The following ADGRL2 variants were observed in gnomAD, a reference collection of about 807,000 sequenced individuals.
The protein encoded by ADGRL2 is calcium-independent alpha-latrotoxin receptor 2.
Under a neutral mutation model 157.4 loss-of-function variants are expected in ADGRL2, and 44 were observed. The ratio of observed to expected loss-of-function variants is 0.28; its 90% CI spans 0.22 to 0.36. The LOEUF is 0.36. Ranked by LOEUF, ADGRL2 falls within the 10% of genes least tolerant of loss-of-function variation. ADGRL2 has a pLI of 1.00. For synonymous variants in ADGRL2, 585 were observed against 624.7 expected (o/e 0.94, Z 0.95); for missense variants, 1,510 against 1,768.9 (o/e 0.85, Z 2.63).
chr1:81,597,951 A>C (rs1296365299), intron 3 of ADGRL2, among the ~76,000 whole-genome samples: 1 of 152,218 alleles, frequency 6.6e-6, no homozygotes, highest in Non-Finnish European at 1.5e-5. Context: ...AAGCGGGTAC[A>C]CAATGCTGCC....
At chr1:81,734,931 G>A (rs373340827) in intron 1 of ADGRL2, among the ~76,000 whole-genome samples, 13 of 143,674 alleles carry the variant, frequency 9.0e-5, no homozygotes, top group Admixed American at 8.3e-4. Flanking sequence ...TACTCGGAAG[G>A]CTGAGGCAGG....
At chr1:81,783,848 T>C (rs2086917511) in intron 2 of ADGRL2, among the ~76,000 whole-genome samples, 1 of 152,220 alleles carries the variant, frequency 6.6e-6, no homozygotes. Context: ...TATACTGTTT[T>C]ATGCTATTAA....
chr1:81,606,657 T>C (rs1259030148), intron 3 of ADGRL2, among the ~76,000 whole-genome samples: 1 of 152,108 alleles, frequency 6.6e-6, no homozygotes, highest in Non-Finnish European at 1.5e-5. Flanking sequence ...TTTTCTTTCC[T>C]TTTTTTCTCT....
chr1:81,902,483 A>G (rs2094505272), intron 2 of ADGRL2, among the ~76,000 whole-genome samples: 1 of 152,134 alleles, frequency 6.6e-6, no homozygotes. Flanking sequence ...CTGTGGTCCC[A>G]TCTACTGGGG....
Position 81,645,389 on chromosome 1 carries a change from C to G in ADGRL2, c.-143+64409C>G, listed in dbSNP as rs185446762. Among the ~76,000 whole-genome samples, 29 of 116,234 alleles carry G rather than the reference C, an allele frequency of 2.5e-4. 1 individual carries two copies. The East Asian group carries it at 6.2e-3, about 25-fold the overall frequency. 76.3% of individuals were successfully genotyped at this position (116,234 alleles called of 152,430 possible). On this transcript the variant is annotated intron_variant, in intron 3 of 24. Transcript: ENST00000370721. Reference sequence around the variant, plus strand: ...TCCAGCCTGGGTGACAGAGTGAGATCCTGTCTCAAAAAAAAAAAAAAAAAA... The same window carrying G: ...TCCAGCCTGGGTGACAGAGTGAGATGCTGTCTCAAAAAAAAAAAAAAAAAA...
intron 3 of ADGRL2, among the ~76,000 whole-genome samples, chr1:81,931,318 T>C (rs546026190): frequency 1.3e-5 from 2 of 152,344 alleles, no homozygotes; most frequent in South Asian, 4.1e-4. Flanking sequence ...TATTTGAACT[T>C]AATATTAAAA....
intron 2 of ADGRL2, among the ~76,000 whole-genome samples, chr1:81,854,268 C>T (rs1479172175): frequency 6.6e-6 from 1 of 152,192 alleles, no homozygotes; most frequent in Admixed American, 6.5e-5. Flanking sequence ...TGGATTTATC[C>T]TGTCAGCTTT....
chr1:81,563,763 A>G (rs78170126), intron 2 of ADGRL2, among the ~76,000 whole-genome samples: 1,599 of 152,330 alleles, frequency 0.01, 20 homozygotes, highest in African/African-American at 0.037. Context: ...AAACAGGAAC[A>G]TCATATATAA....
At chr1:81,602,518 G>T (rs2081353006) in intron 3 of ADGRL2, among the ~76,000 whole-genome samples, 1 of 152,090 alleles carries the variant, frequency 6.6e-6, no homozygotes. Context: ...CTTGAACCCG[G>T]GAAGCAGAGG....
At chr1:81,676,734 T>G (rs1419648878) in intron 3 of ADGRL2, among the ~76,000 whole-genome samples, 1 of 152,122 alleles carries the variant, frequency 6.6e-6, no homozygotes. Context: ...TCGCCCAGGC[T>G]GGAGTGCAGT....
intron 1 of ADGRL2, among the ~76,000 whole-genome samples, chr1:81,330,032 A>G (rs1170721588): frequency 1.3e-5 from 2 of 152,164 alleles, no homozygotes; most frequent in Admixed American, 6.6e-5. Flanking sequence ...ATTAAATTGC[A>G]TTTAAGTAAA....
rs557335728 is a variant in ADGRL2, at chr1:81,912,080, A to T, written c.287+4850A>T. Among the ~76,000 whole-genome samples, 1,423 of 147,628 alleles carry T rather than the reference A, an allele frequency of 9.6e-3. 19 individuals are homozygous for T. The highest frequency in any genetic ancestry group is 0.032 in the African/African-American group (1,259 of 39,120). ...TTTCTTTTATTTTTTTTTATTTTTTATTTTTTTTTGAGATAGGGTCTCACT... is the reference window on the plus strand; with the variant it reads ...TTTCTTTTATTTTTTTTTATTTTTTTTTTTTTTTTGAGATAGGGTCTCACT... On this transcript the variant is annotated intron_variant, in intron 3 of 23. Transcript: ENST00000686636.
intron 3 of ADGRL2, among the ~76,000 whole-genome samples, chr1:81,583,356 T>A (rs1033150560): frequency 1.3e-5 from 2 of 152,250 alleles, no homozygotes; most frequent in South Asian, 2.1e-4. Flanking sequence ...TATTAAAAAA[T>A]TTTTGCCTTT....
intron 3 of ADGRL2, chr1:81,586,482 G>A (rs919132921): frequency 2.0e-5 from 3 of 151,836 alleles, no homozygotes; most frequent in Non-Finnish European, 4.4e-5. Context: ...TTTTATTATC[G>A]TTTTTACCTT....
chr1:81,564,411 G>A (rs1167938695), intron 2 of ADGRL2, among the ~76,000 whole-genome samples: 3 of 152,164 alleles, frequency 2.0e-5, no homozygotes, highest in Non-Finnish European at 4.4e-5. Flanking sequence ...CCACTCCCAA[G>A]CTTATTCACA....
At chr1:81,913,529 C>A (rs756502075) in intron 3 of ADGRL2, among the ~76,000 whole-genome samples, 2 of 152,166 alleles carry the variant, frequency 1.3e-5, no homozygotes, top group Non-Finnish European at 2.9e-5. Flanking sequence ...TAAATAGGGA[C>A]TCTGTAGGGG....
intron 2 of ADGRL2, among the ~76,000 whole-genome samples, chr1:81,474,456 T>C (rs1386646908): frequency 6.6e-6 from 1 of 152,160 alleles, no homozygotes; most frequent in Non-Finnish European, 1.5e-5. Flanking sequence ...AAGCAGTAGT[T>C]GGATGGGGAA....
intron 2 of ADGRL2, among the ~76,000 whole-genome samples, chr1:81,471,325 T>G (rs2078167536): frequency 1.3e-5 from 2 of 152,200 alleles, no homozygotes; most frequent in South Asian, 4.1e-4. Context: ...TTAGCATTAT[T>G]TAGTATTATG....
Position 81,991,605 on chromosome 1 carries a change from G to A in ADGRL2, c.*460G>A, listed in dbSNP as rs1238119236. The A allele has an allele frequency of 6.5e-6, 1 of 154,604 alleles. No individual in the cohort carries two copies. Among genetic ancestry groups the A allele is most frequent in the African/African-American group, 2.4e-5 (1 of 41,456 alleles). 9.6% of individuals were successfully genotyped at this position (154,604 alleles called of 1,614,324 possible). On this transcript the variant is annotated 3_prime_UTR_variant, in exon 24 of 24. Coordinates refer to ENST00000686636, the MANE Select transcript of ADGRL2 (RefSeq NM_001366006.2). ...TTCCTGACAAGACTTGGAAAAGCAG[G>A]AGAGATATTCTGCATCAGTTTGCAG...
Sources: allele counts gnomAD v4.1 joint callset (sites outside exome capture counted in the v4.1 genomes callset), GRCh38; gene constraint gnomAD v4.1.1; transcripts MANE v1.5; gene names NCBI Gene and HGNC (gene_info 2026-07-23, HGNC 2026-07-21).